PDE3A: variants seen among roughly 807,000 people sequenced by gnomAD.
PDE3A encodes cGMP-inhibited 3',5'-cyclic phosphodiesterase 3A.
A neutral mutation model predicts 98.3 loss-of-function variants in PDE3A; 43 were observed. The observed-to-expected ratio is 0.44, with a 90% CI of 0.34 to 0.56. The LOEUF is 0.56. PDE3A is among the 20% of genes least tolerant of loss of function. PDE3A has a pLI of 0.01. For missense variants in PDE3A, 1,427 were observed against 1,440.7 expected (o/e 0.99, Z 0.15); for synonymous variants, 663 against 567.9 (o/e 1.17, Z -2.38).
At chr12:20,458,938 A>G (rs1945199830) in intron 1 of PDE3A, among the ~76,000 whole-genome samples, 1 of 152,206 alleles carries the variant, frequency 6.6e-6, no homozygotes, top group Non-Finnish European at 1.5e-5. Flanking sequence ...AACCTTAAGA[A>G]GGCACAGAAT....
chr12:20,377,039 A>AG (rs113757313), intron 1 of PDE3A, among the ~76,000 whole-genome samples: 7,690 of 151,768 alleles, frequency 0.051, 273 homozygotes, highest in African/African-American at 0.1. Flanking sequence ...GACTGGTTAC[A>AG]GGGGGCACAT....
At chr12:20,567,410 C>T (rs1341022155) in intron 2 of PDE3A, among the ~76,000 whole-genome samples, 6 of 151,942 alleles carry the variant, frequency 3.9e-5, no homozygotes, top group Non-Finnish European at 1.5e-5. Flanking sequence ...GTTTTGAAAG[C>T]GTACAGCTAA....
At chr12:20,621,479 G>A (rs533772370) in intron 5 of PDE3A, 68 bp downstream of exon 5, 6 of 831,590 alleles carry the variant, frequency 7.2e-6, no homozygotes, top group South Asian at 1.4e-5. Context: ...CAGACCTTAA[G>A]CGTTGAAATA....
At chr12:20,425,406 A>T (rs893886557) in intron 1 of PDE3A, among the ~76,000 whole-genome samples, 2 of 152,178 alleles carry the variant, frequency 1.3e-5, no homozygotes, top group African/African-American at 4.8e-5. Context: ...GAAGTCTCCT[A>T]ATGACTCACT....
intron 5 of PDE3A, among the ~76,000 whole-genome samples, chr12:20,622,527 C>T (rs1209747967): frequency 6.6e-6 from 1 of 152,100 alleles, no homozygotes; most frequent in East Asian, 1.9e-4. Context: ...GTCCTCTCTG[C>T]TCTTTAGAAA....
rs1253821354 is a variant in PDE3A, at chr12:20,682,617, T to C, written c.*2346T>C. The C allele has an allele frequency of 1.3e-5, 2 of 152,338 alleles. No homozygotes were observed. Among genetic ancestry groups the C allele is most frequent in the East Asian group, 1.9e-4 (1 of 5,186 alleles). The allele number at this position is 152,338 out of a possible 1,614,324, so 9.4% of individuals were successfully genotyped here. ...TCTTCATTATTTAGAACTTACTAAA[T>C]TGTTTTCATTTTCTTAGTTTTACCT... On this transcript the variant is annotated 3_prime_UTR_variant, in exon 16 of 16. Transcript: ENST00000359062.
chr12:20,488,326 T>C (rs1300218284), intron 1 of PDE3A, among the ~76,000 whole-genome samples: 1 of 152,198 alleles, frequency 6.6e-6, no homozygotes, highest in Non-Finnish European at 1.5e-5. Flanking sequence ...AAAAAGCATA[T>C]GACAGTGTTG....
chr12:20,392,550 A>C (rs1419912863), intron 1 of PDE3A, among the ~76,000 whole-genome samples: 1 of 137,592 alleles, frequency 7.3e-6, no homozygotes, highest in Non-Finnish European at 1.5e-5. Context: ...TAAATAAATA[A>C]ATAAATAAAA....
In PDE3A at chr12:20,574,677, A is replaced by T. The variant is rs145781485; in HGVS notation, c.1011+17967A>T. Among the ~76,000 whole-genome samples the T allele has an allele frequency of 1.8e-4, 28 of 152,122 alleles. No homozygotes were observed. In the East Asian group the frequency reaches 5.0e-3, roughly 27 times the overall value. On this transcript the variant is annotated intron_variant, in intron 2 of 15. Transcript: ENST00000359062. ...ATCATGCTATACAAGTATGCTCAGC[A>T]TGATGAGCCCAGGCCTTCTTTTCTC...
chr12:20,481,276 T>C (rs1045793910), intron 1 of PDE3A, among the ~76,000 whole-genome samples: 4 of 152,180 alleles, frequency 2.6e-5, no homozygotes, highest in African/African-American at 9.7e-5. Context: ...AAAGGTGACA[T>C]GAAATAGAGA....
At chr12:20,415,231 T>A (rs1944403285) in intron 1 of PDE3A, among the ~76,000 whole-genome samples, 1 of 151,954 alleles carries the variant, frequency 6.6e-6, no homozygotes, top group East Asian at 1.9e-4. Context: ...TTGGCATCGA[T>A]CCTGAGTTTG....
intron 15 of PDE3A, among the ~76,000 whole-genome samples, chr12:20,678,059 G>A (rs368364395): frequency 1.5e-4 from 23 of 152,236 alleles, no homozygotes; most frequent in Admixed American, 2.6e-4. Context: ...GTGGGTCCTG[G>A]TGTGAGCTCC....
intron 1 of PDE3A, among the ~76,000 whole-genome samples, chr12:20,387,825 A>G (rs1322597251): frequency 6.6e-6 from 1 of 152,046 alleles, no homozygotes; most frequent in Non-Finnish European, 1.5e-5. Flanking sequence ...TGAAATGAAG[A>G]GTTTTTAAAT....
At chr12:20,415,007 C>A (rs1188836312) in intron 1 of PDE3A, among the ~76,000 whole-genome samples, 1 of 134,506 alleles carries the variant, frequency 7.4e-6, no homozygotes, top group Non-Finnish European at 1.6e-5. Context: ...TGCTGATAAA[C>A]TTAATAGCAC....
intron 1 of PDE3A, chr12:20,551,958 G>A (rs1942217377): frequency 6.8e-6 from 11 of 1,612,836 alleles, no homozygotes; most frequent in Non-Finnish European, 9.3e-6. Flanking sequence ...GTGTCCATCG[G>A]CCCCACGTGG....
rs1473209794 is a variant in PDE3A at position 20,553,957 on chromosome 12, C to T, written c.961-2703C>T. Among the ~76,000 whole-genome samples, 5 of 152,038 alleles carry T rather than the reference C, an allele frequency of 3.3e-5. No individual in the cohort carries two copies. The East Asian group carries it at 9.7e-4, about 29-fold the overall frequency. The stretch of plus-strand genomic sequence containing the variant: ...TCATTTACATTCAATTTTTTTAACT[C>T]AGCAAGTGAGAACTTACAAGAGGGT... On this transcript the variant is annotated intron_variant, in intron 1 of 15. Coordinates refer to ENST00000359062, the MANE Select transcript of PDE3A (RefSeq NM_000921.5).
intron 13 of PDE3A, among the ~76,000 whole-genome samples, chr12:20,650,155 A>G (rs896210948): frequency 3.9e-5 from 6 of 152,138 alleles, no homozygotes; most frequent in Admixed American, 3.3e-4. Context: ...CAATCCAGTT[A>G]TACTCTTTTA....
intron 1 of PDE3A, among the ~76,000 whole-genome samples, chr12:20,525,381 G>A (rs938155401): frequency 6.6e-6 from 1 of 151,324 alleles, no homozygotes; most frequent in Non-Finnish European, 1.5e-5. Flanking sequence ...ACAAGATGGA[G>A]TTTGAGGGAC....
intron 10 of PDE3A, 61 bp downstream of exon 10, chr12:20,640,018 A>C: frequency 1.3e-6 from 1 of 778,190 alleles, no homozygotes. Context: ...CTGTGGGTAA[A>C]TGGGATAGTG....
Sources: gnomAD v4.1 joint callset for allele counts (sites outside exome capture counted in the v4.1 genomes callset) on GRCh38, gnomAD v4.1.1 for gene constraint, MANE v1.5 for transcripts, NCBI Gene and HGNC (gene_info 2026-07-23, HGNC 2026-07-21) for gene names.